Variants in MGA observed in about 807,000 individuals in gnomAD.
MGA encodes the protein MAX dimerization protein MGA.
In MGA, 40 loss-of-function variants were observed where a neutral mutation model predicts 261.1. The ratio of observed to expected loss-of-function variants is 0.15; its 90% CI spans 0.12 to 0.20. The LOEUF (loss-of-function observed/expected upper bound fraction) is 0.20, where lower values mean the gene tolerates loss of function less well. Ranked by LOEUF, MGA falls within the 10% of genes least tolerant of loss-of-function variation. The probability of loss-of-function intolerance (pLI) is 1.00; values close to 1 mark genes in which losing one functional copy is unlikely to be tolerated. For synonymous variants in MGA, 1,302 were observed against 1,290.6 expected (o/e 1.01, Z -0.19); for missense variants, 3,397 against 3,630.5 (o/e 0.94, Z 1.65).
At chr15:41,708,458 T>C (rs1406389323) in intron 7 of MGA, among the ~76,000 whole-genome samples, 1 of 152,110 alleles carries the variant, frequency 6.6e-6, no homozygotes, top group African/African-American at 2.4e-5. Flanking sequence ...GCTGGGACTA[T>C]AGGCATGTGC....
intron 19 of MGA, 122 bp from the exon 20 acceptor site, chr15:41,760,201 G>A (rs1203215228): frequency 2.4e-6 from 2 of 842,540 alleles, no homozygotes; most frequent in African/African-American, 3.4e-5. Context: ...CCAATTGAGA[G>A]GCTGTTACAA....
chr15:41,683,200 G>T (rs566000580), intron 2 of MGA, among the ~76,000 whole-genome samples: 1 of 152,096 alleles, frequency 6.6e-6, no homozygotes, highest in African/African-American at 2.4e-5. Context: ...TGGTGTGGTG[G>T]TTCTCATCTT....
chr15:41,721,072 G>T (rs577193381), intron 9 of MGA, among the ~76,000 whole-genome samples: 73 of 152,194 alleles, frequency 4.8e-4, no homozygotes, highest in African/African-American at 1.7e-3. Flanking sequence ...GAAGATACAG[G>T]CAAATGTATA....
At chr15:41,633,352 GTATT>G (rs2056632899) in intron 1 of MGA, among the ~76,000 whole-genome samples, 2 of 93,980 alleles carry the variant, frequency 2.1e-5, no homozygotes, top group Admixed American at 1.5e-4. Context: ...CCCTCCTATG[GTATT>G]TTTTTTTTTT....
intron 2 of MGA, among the ~76,000 whole-genome samples, chr15:41,675,602 T>G (rs2058332280): frequency 1.3e-5 from 2 of 152,168 alleles, no homozygotes; most frequent in African/African-American, 2.4e-5. Context: ...CGTCTCAAAC[T>G]CCTGGCTACA....
At chr15:41,679,783 A>G (rs1380476084) in intron 2 of MGA, among the ~76,000 whole-genome samples, 7 of 151,916 alleles carry the variant, frequency 4.6e-5, no homozygotes, top group Admixed American at 3.3e-4. Context: ...AAGTTTCTCT[A>G]TATAAGATTG....
At chr15:41,697,670 C>T (rs2062131634) in intron 3 of MGA, among the ~76,000 whole-genome samples, 1 of 152,090 alleles carries the variant, frequency 6.6e-6, no homozygotes, top group Admixed American at 6.5e-5. Context: ...CCTGCTTCAG[C>T]CTCCCAAAGT....
chr15:41,655,060 G>A (rs1293722733), intron 1 of MGA, among the ~76,000 whole-genome samples: 2 of 152,054 alleles, frequency 1.3e-5, no homozygotes, highest in Admixed American at 6.6e-5. Context: ...TTGGTTCCAA[G>A]ATACTGTCCC....
At chr15:41,711,442 G>T (rs966704636) in intron 8 of MGA, 93 bp downstream of exon 8, 1 of 1,304,310 alleles carries the variant, frequency 7.7e-7, no homozygotes. Flanking sequence ...TTTTGGCAGG[G>T]TGATCAGCTA....
At position 41,669,215 on chromosome 15, in the gene MGA, C is replaced by T. The variant is rs1444761621; in HGVS notation, c.321C>T (p.Tyr107=). 5 of 1,613,882 alleles carry T rather than the reference C, an allele frequency of 3.1e-6. No homozygotes were observed. In the Admixed American group the frequency reaches 6.7e-5, roughly 22 times the overall value. ...AGCAAGGAAGACGCATGTTTCCTTA[C>T]TGTCGTTATTGGATAACAGGTTTAG... Residue 107 remains tyrosine (Y), a synonymous_variant, in exon 2 of 24, where the codon TAC becomes TAT. Transcript: ENST00000219905.
At chr15:41,643,264 G>C (rs540722227) in intron 1 of MGA, among the ~76,000 whole-genome samples, 1 of 144,750 alleles carries the variant, frequency 6.9e-6, no homozygotes, top group East Asian at 2.0e-4. Flanking sequence ...TTTTTGAGAC[G>C]GAGTCTCACG....
Position 41,769,803 on chromosome 15 carries a change from T to C in MGA, c.*2523T>C, listed in dbSNP as rs1420585656. 1 of 152,584 alleles carries C rather than the reference T, an allele frequency of 6.6e-6. No individual in the cohort carries two copies. The highest frequency in any genetic ancestry group is 1.5e-5 in the Non-Finnish European group (1 of 68,030). The allele number at this position is 152,584 out of a possible 1,614,324, so 9.5% of individuals were successfully genotyped here. A position where few individuals can be genotyped will look rare whatever the true frequency, so the allele number is the denominator to read the frequency against. On this transcript the variant is annotated 3_prime_UTR_variant, in exon 24 of 24. Transcript: ENST00000219905. ...ATTATGTCAGATTTAGCATTTTCTT[T>C]TATATATTAAATATATATATCTTTC...
At chr15:41,756,562 G>A (rs760556547) in intron 18 of MGA, among the ~76,000 whole-genome samples, 5 of 152,080 alleles carry the variant, frequency 3.3e-5, no homozygotes, top group African/African-American at 4.8e-5. Context: ...ACAAGGGGTC[G>A]TGTATGGGAC....
intron 5 of MGA, among the ~76,000 whole-genome samples, chr15:41,699,876 T>G (rs1450425022): frequency 1.3e-5 from 2 of 152,118 alleles, no homozygotes; most frequent in Non-Finnish European, 2.9e-5. Context: ...TGCAAACATC[T>G]ATTTTATATA....
intron 2 of MGA, among the ~76,000 whole-genome samples, chr15:41,671,943 G>T (rs2058086422): frequency 6.6e-6 from 1 of 152,166 alleles, no homozygotes; most frequent in African/African-American, 2.4e-5. Flanking sequence ...GCAGCTGGTG[G>T]ATGCCATCTT....
At chr15:41,759,176 C>G (rs1366491264) in intron 19 of MGA, among the ~76,000 whole-genome samples, 2 of 151,992 alleles carry the variant, frequency 1.3e-5, no homozygotes, top group African/African-American at 4.8e-5. Flanking sequence ...ATCAGTAGAA[C>G]AGCTAAAAGT....
intron 5 of MGA, among the ~76,000 whole-genome samples, 151 bp downstream of exon 5, chr15:41,699,310 C>G (rs1437091217): frequency 1.3e-5 from 2 of 151,152 alleles, no homozygotes; most frequent in Non-Finnish European, 2.9e-5. Flanking sequence ...GCACGTCTTT[C>G]AGTTTGCATA....
intron 1 of MGA, among the ~76,000 whole-genome samples, chr15:41,624,521 G>C (rs1276045402): frequency 6.6e-6 from 1 of 152,144 alleles, no homozygotes; most frequent in Non-Finnish European, 1.5e-5. Context: ...TTTTAGTAGA[G>C]ACGGGGTTTC....
intron 19 of MGA, among the ~76,000 whole-genome samples, chr15:41,759,595 G>C (rs1041621073): frequency 6.6e-6 from 1 of 151,528 alleles, no homozygotes; most frequent in Non-Finnish European, 1.5e-5. Flanking sequence ...GAGCCACTGT[G>C]CCTGGCCAGC....
Sources: allele counts gnomAD v4.1 joint callset (sites outside exome capture counted in the v4.1 genomes callset), GRCh38; gene constraint gnomAD v4.1.1; transcripts MANE v1.5; gene names NCBI Gene and HGNC (gene_info 2026-07-23, HGNC 2026-07-21).